MARK1: variants seen among roughly 807,000 people sequenced by gnomAD.
The protein encoded by MARK1 is microtubule affinity regulating kinase 1, also known as serine/threonine-protein kinase MARK1.
A neutral mutation model predicts 96.3 loss-of-function variants in MARK1; 40 were observed. The ratio of observed to expected loss-of-function variants is 0.42; its 90% CI spans 0.32 to 0.54. The LOEUF (loss-of-function observed/expected upper bound fraction) is 0.54, where lower values mean the gene tolerates loss of function less well. Among genes scored for constraint, MARK1 ranks in the 20% least tolerant of loss-of-function variants. The probability of loss-of-function intolerance (pLI) is 0.16; values close to 1 mark genes in which losing one functional copy is unlikely to be tolerated. For missense variants in MARK1, 719 were observed against 984.6 expected (o/e 0.73, Z 3.61); for synonymous variants, 317 against 341.2 (o/e 0.93, Z 0.78).
At chr1:220,611,425 T>C (rs1666435009) in intron 6 of MARK1, among the ~76,000 whole-genome samples, 2 of 152,222 alleles carry the variant, frequency 1.3e-5, no homozygotes, top group Non-Finnish European at 2.9e-5. Flanking sequence ...GCTAAGACCT[T>C]GGGAAAAGCG....
intron 11 of MARK1, among the ~76,000 whole-genome samples, chr1:220,634,895 A>G (rs1361797274): frequency 1.3e-5 from 2 of 152,186 alleles, no homozygotes; most frequent in Admixed American, 6.5e-5. Context: ...ATATGCATAC[A>G]TATGTGTATA....
At position 220,650,642 on chromosome 1, in the gene MARK1, G is replaced by A. The variant is rs764320698; in HGVS notation, c.1493G>A (p.Ser498Asn). The change falls in exon 14 of 18, where the codon AGC becomes AAC. Residue 498 changes from serine (S) to asparagine (N), a missense_variant. Ser to Asn is a conservative substitution (Grantham distance 46, BLOSUM62 1). This residue lies in a region of MARK1 where 501 missense variants were observed against 588.3 expected (regional missense o/e 0.85). Transcript: ENST00000366917. ...AAGAACAATGTGTATTCTGGAGGTA[G>A]CATGGCAAGAAGGAATACATATGTC... ...IPSNNVYSGG[S>N]MARRNTYVCE... 1.9e-6 allele frequency: 3 copies of A among 1,609,716 alleles called. No individual in the cohort carries two copies. The highest frequency in any genetic ancestry group is 2.6e-6 in the Non-Finnish European group (3 of 1,176,466).
chr1:220,592,341 A>T (rs1402189173), intron 3 of MARK1, among the ~76,000 whole-genome samples: 1 of 151,834 alleles, frequency 6.6e-6, no homozygotes, highest in Non-Finnish European at 1.5e-5. Flanking sequence ...GCCATGTTGG[A>T]GAAGTCCACT....
In MARK1 at chr1:220,663,057, T is replaced by C. The variant is rs2103083567; in HGVS notation, c.*891T>C. The C allele has an allele frequency of 6.5e-6, 1 of 152,762 alleles. No homozygotes were observed. Among genetic ancestry groups the C allele is most frequent in the South Asian group, 2.1e-4 (1 of 4,830 alleles). 9.5% of individuals were successfully genotyped at this position (152,762 alleles called of 1,614,324 possible). On this transcript the variant is annotated 3_prime_UTR_variant, in exon 18 of 18. Transcript: ENST00000366917. ...TGCGGGAATATAATAATATTGGGAC[T>C]GTTTCACAGCACAAACTCATCTTTA...
intron 1 of MARK1, among the ~76,000 whole-genome samples, chr1:220,537,575 T>TG (rs35561502): frequency 0.55 from 71,110 of 129,224 alleles, 20,996 homozygotes; most frequent in Non-Finnish European, 0.66. Context: ...TATAGCAGCA[T>TG]ATTTATAGTC....
At chr1:220,626,549 C>T (rs558950553) in intron 9 of MARK1, 43 of 474,782 alleles carry the variant, frequency 9.1e-5, no homozygotes, top group African/African-American at 6.8e-4. Flanking sequence ...GCTGGCCTGT[C>T]GTGGTGGCTC....
chr1:220,650,172 T>C (rs1012599112), intron 13 of MARK1, among the ~76,000 whole-genome samples: 2 of 152,118 alleles, frequency 1.3e-5, no homozygotes, highest in African/African-American at 2.4e-5. Context: ...TTGAGAGAGT[T>C]TCCCAAGCAG....
At chr1:220,534,311 T>TA (rs1660534328) in intron 1 of MARK1, among the ~76,000 whole-genome samples, 1 of 152,088 alleles carries the variant, frequency 6.6e-6, no homozygotes, top group African/African-American at 2.4e-5. Context: ...ACATTAAAAT[T>TA]ATTCTAGCTA....
At chr1:220,624,598 CAAAA>C (rs36021632) in intron 9 of MARK1, among the ~76,000 whole-genome samples, 1,684 of 69,750 alleles carry the variant, frequency 0.024, 26 homozygotes, top group African/African-American at 0.08. Context: ...AACTCCGTCT[CAAAA>C]AAAAAAAAAA....
rs771403262 is a variant in MARK1, at chr1:220,618,369, T to C, written c.612T>C (p.Ser204=). 14 of 1,614,060 alleles carry C rather than the reference T, an allele frequency of 8.7e-6. No individual in the cohort carries two copies. The African/African-American group carries it at 1.9e-4, about 22-fold the overall frequency. Residue 204 remains serine, a synonymous_variant, in exon 8 of 18, where the codon AGT becomes AGC. Transcript: ENST00000366917. The surrounding 1 kb of genome is among the most constrained non-coding windows in gnomAD (Gnocchi z 4.6). The stretch of plus-strand genomic sequence containing the variant: ...TTAAAATTGCTGACTTTGGTTTTAG[T>C]AATGAATTTACAGTTGGGAACAAAT... ...MNIKIADFGF[S]NEFTVGNKLD...
intron 3 of MARK1, among the ~76,000 whole-genome samples, chr1:220,588,535 C>A (rs574013822): frequency 6.6e-6 from 1 of 152,220 alleles, no homozygotes; most frequent in East Asian, 1.9e-4. Context: ...ATATTCAGAT[C>A]TCTTTCTGTG....
At chr1:220,620,789 C>G (rs1360725761) in intron 9 of MARK1, among the ~76,000 whole-genome samples, 1 of 152,040 alleles carries the variant, frequency 6.6e-6, no homozygotes, top group Non-Finnish European at 1.5e-5. Context: ...AGTTTTTCAG[C>G]TATGAAACCA....
intron 16 of MARK1, among the ~76,000 whole-genome samples, 162 bp downstream of exon 16, chr1:220,653,514 A>G (rs977022380): frequency 2.6e-5 from 4 of 152,170 alleles, no homozygotes; most frequent in African/African-American, 9.6e-5. Flanking sequence ...GGAAGACATA[A>G]AGTATTTTTC....
chr1:220,577,621 A>C (rs1048819795), intron 1 of MARK1, among the ~76,000 whole-genome samples: 7 of 152,188 alleles, frequency 4.6e-5, no homozygotes, highest in Non-Finnish European at 1.0e-4. Flanking sequence ...TTGCATTTTG[A>C]ACAAGTTCTC....
intron 1 of MARK1, among the ~76,000 whole-genome samples, chr1:220,551,335 T>A (rs149848590): frequency 7.9e-5 from 12 of 152,302 alleles, no homozygotes; most frequent in African/African-American, 2.9e-4. Flanking sequence ...CTTAATCTTG[T>A]GCAAATTTCT....
intron 13 of MARK1, among the ~76,000 whole-genome samples, chr1:220,641,102 T>C (rs1313658502): frequency 6.6e-6 from 1 of 152,244 alleles, no homozygotes; most frequent in Non-Finnish European, 1.5e-5. Context: ...CACAAATATG[T>C]TGTGCTGTTT....
intron 3 of MARK1, among the ~76,000 whole-genome samples, chr1:220,589,182 C>T (rs12740310): frequency 0.055 from 8,371 of 152,258 alleles, 317 homozygotes; most frequent in Non-Finnish European, 0.085. Flanking sequence ...AGGGCAACTT[C>T]GTCAGACTGG....
intron 16 of MARK1, among the ~76,000 whole-genome samples, chr1:220,655,107 T>C (rs1385679435): frequency 6.6e-6 from 1 of 152,218 alleles, no homozygotes; most frequent in Non-Finnish European, 1.5e-5. Flanking sequence ...TTCCCTTGCT[T>C]GGCTCTGGTT....
chr1:220,528,577 A>G lies in MARK1; in HGVS notation c.-246A>G. 3 of 466,776 alleles carry G rather than the reference A, an allele frequency of 6.4e-6. No homozygotes were observed. The highest frequency in any genetic ancestry group is 3.5e-5 in the South Asian group (1 of 28,824). 28.9% of individuals were successfully genotyped at this position (466,776 alleles called of 1,614,324 possible). A position where few individuals can be genotyped will look rare whatever the true frequency, so the allele number is the denominator to read the frequency against. ...AGCGCCGGGCAACCGCCTCGCCCGA[A>G]GCCCTCCCTCGTTACTGTCCGCATA... On this transcript the variant is annotated 5_prime_UTR_variant, in exon 1 of 18. Coordinates refer to ENST00000366917, the MANE Select transcript of MARK1 (RefSeq NM_018650.5).
Sources: gnomAD v4.1 joint callset for allele counts (sites outside exome capture counted in the v4.1 genomes callset) on GRCh38, gnomAD v4.1.1 for gene constraint, gnomAD v4.1.1 regional missense constraint, Gnocchi (gnomAD v3.1) non-coding constraint, MANE v1.5 for transcripts, NCBI Gene and HGNC (gene_info 2026-07-23, HGNC 2026-07-21) for gene names.